The following TLE1 variants were observed in gnomAD, a reference collection of about 807,000 sequenced individuals.
TLE1 encodes the protein transducin-like enhancer protein 1.
A neutral mutation model predicts 89.8 loss-of-function variants in TLE1; 21 were observed. The ratio of observed to expected loss-of-function variants is 0.23; its 90% CI spans 0.17 to 0.34. TLE1 has a LOEUF of 0.34. Among genes scored for constraint, TLE1 ranks in the 10% least tolerant of loss-of-function variants. TLE1 has a pLI of 1.00. For synonymous variants in TLE1, 447 were observed against 407.6 expected (o/e 1.10, Z -1.16); for missense variants, 795 against 1,031.2 (o/e 0.77, Z 3.14).
intron 6 of TLE1, among the ~76,000 whole-genome samples, chr9:81,638,185 G>C (rs756307756): frequency 6.6e-6 from 1 of 152,148 alleles, no homozygotes; most frequent in African/African-American, 2.4e-5. Flanking sequence ...TAGACTGCAT[G>C]AGTACCATCT....
At chr9:81,620,915 A>G in intron 8 of TLE1, 1 of 543,020 alleles carries the variant, frequency 1.8e-6, no homozygotes, top group Non-Finnish European at 3.5e-6. Context: ...ATGGCCTATG[A>G]GCAAATCTTG....
chr9:81,650,483 A>C (rs1383038772), intron 6 of TLE1, among the ~76,000 whole-genome samples: 2 of 152,220 alleles, frequency 1.3e-5, no homozygotes, highest in African/African-American at 2.4e-5. Context: ...CATTTGGGTG[A>C]AAAAATTCTG....
At chr9:81,655,616 T>C (rs1201572133) in intron 4 of TLE1, among the ~76,000 whole-genome samples, 2 of 152,086 alleles carry the variant, frequency 1.3e-5, no homozygotes, top group Non-Finnish European at 2.9e-5. Flanking sequence ...AAGAGGCCCA[T>C]CCTTGACCTT....
chr9:81,686,007 A>G, intron 2 of TLE1, 111 bp from the exon 3 acceptor site: 1 of 1,149,586 alleles, frequency 8.7e-7, no homozygotes. Context: ...GAAAAGCCAT[A>G]AACTATCTAG....
intron 9 of TLE1, among the ~76,000 whole-genome samples, chr9:81,617,978 T>G (rs920499283): frequency 6.6e-6 from 1 of 152,106 alleles, no homozygotes; most frequent in Non-Finnish European, 1.5e-5. Context: ...TGAGCCGAGA[T>G]TGTGCCATTG....
chr9:81,644,863 G>C (rs147759580), intron 6 of TLE1, among the ~76,000 whole-genome samples: 1 of 151,502 alleles, frequency 6.6e-6, no homozygotes, highest in Non-Finnish European at 1.5e-5. Flanking sequence ...GCATGGTGGT[G>C]TGTGCCTGTA....
chr9:81,652,451 A>G (rs1009216532), intron 5 of TLE1, among the ~76,000 whole-genome samples, 163 bp from the exon 6 acceptor site: 13 of 152,220 alleles, frequency 8.5e-5, no homozygotes, highest in Non-Finnish European at 1.9e-4. Context: ...ATAGATAGGG[A>G]AAGAAAAACT....
At chr9:81,598,323 G>A (rs1038939858) in intron 14 of TLE1, among the ~76,000 whole-genome samples, 1 of 151,966 alleles carries the variant, frequency 6.6e-6, no homozygotes. Context: ...CCTCCCGCTA[G>A]AACAGCACCG....
At position 81,613,364 on chromosome 9, in the gene TLE1, G is replaced by A. The variant is rs369143469; in HGVS notation, c.1063+13C>T. ...AGAAACCAAACAAAGCACAACAAGA[G>A]GCGATGCTGTACCCGCTTGGTTAAC... On this transcript the variant is annotated intron_variant, in intron 12 of 19. Transcript: ENST00000376499. 1 of 1,612,222 alleles carries A rather than the reference G, an allele frequency of 6.2e-7. No individual in the cohort carries two copies. The highest frequency in any genetic ancestry group is 8.5e-7 in the Non-Finnish European group (1 of 1,179,272).
intron 4 of TLE1, among the ~76,000 whole-genome samples, chr9:81,673,120 A>G (rs990612687): frequency 2.0e-5 from 3 of 151,894 alleles, no homozygotes; most frequent in Admixed American, 6.6e-5. Context: ...TAAAAATACA[A>G]AAATCAGCTG....
chr9:81,606,312 A>C (rs1397203266), intron 14 of TLE1, among the ~76,000 whole-genome samples: 1 of 152,262 alleles, frequency 6.6e-6, no homozygotes, highest in Admixed American at 6.5e-5. Context: ...CTATAAAGAC[A>C]CATGCACACA....
chr9:81,602,150 G>C (rs1677579937), intron 14 of TLE1, among the ~76,000 whole-genome samples: 1 of 152,160 alleles, frequency 6.6e-6, no homozygotes, highest in South Asian at 2.1e-4. Context: ...AAAGAGACCA[G>C]TGAGAAGGGA....
intron 14 of TLE1, among the ~76,000 whole-genome samples, chr9:81,598,051 C>T (rs374714602): frequency 3.9e-5 from 6 of 152,138 alleles, no homozygotes; most frequent in Admixed American, 2.0e-4. Context: ...CCAGAGAGGA[C>T]GGCTGTGGTC....
At chr9:81,652,138 C>CACACACAA in intron 6 of TLE1, 76 bp downstream of exon 6, 1 of 1,417,546 alleles carries the variant, frequency 7.1e-7, no homozygotes, top group Non-Finnish European at 9.9e-7. Context: ...CACACACACA[C>CACACACAA]GTAAAGCCAT....
intron 4 of TLE1, among the ~76,000 whole-genome samples, chr9:81,680,407 G>A (rs1468931438): frequency 6.6e-6 from 1 of 152,204 alleles, no homozygotes; most frequent in Non-Finnish European, 1.5e-5. Context: ...AACTCCCCCT[G>A]TTGGATCCTG....
chr9:81,670,181 T>A (rs960432354), intron 4 of TLE1, among the ~76,000 whole-genome samples: 1 of 152,196 alleles, frequency 6.6e-6, no homozygotes, highest in Non-Finnish European at 1.5e-5. Context: ...AGTAATAGAC[T>A]TGGAAAAGTA....
chr9:81,588,019 G>A (rs1485779673), intron 16 of TLE1, among the ~76,000 whole-genome samples, 191 bp from the exon 17 acceptor site: 5 of 151,280 alleles, frequency 3.3e-5, no homozygotes, highest in Non-Finnish European at 5.9e-5. Flanking sequence ...CAGCACCTGC[G>A]ATTGTCTTTC....
chr9:81,684,521 G>A (rs2627016), intron 4 of TLE1, among the ~76,000 whole-genome samples: 37,961 of 152,074 alleles, frequency 0.25, 5,122 homozygotes, highest in Non-Finnish European at 0.31. Flanking sequence ...TACAAAAGCA[G>A]AATTCAACTC....
In TLE1 at chr9:81,635,502, C is replaced by T. The variant is rs550824453; in HGVS notation, c.373-1201G>A. 4.6e-5 allele frequency among the ~76,000 whole-genome samples: 7 copies of T among 152,256 alleles called. No individual in the cohort carries two copies. In the East Asian group the frequency reaches 1.4e-3, roughly 29 times the overall value. On this transcript the variant is annotated intron_variant, in intron 6 of 19. Transcript: ENST00000376499. ...AAATGAAAAAGTATCCAAGAAATGG[C>T]CCCTGTACCATGAATCTGGCCACAT...
Sources: gnomAD v4.1 joint callset for allele counts (sites outside exome capture counted in the v4.1 genomes callset) on GRCh38, gnomAD v4.1.1 for gene constraint, MANE v1.5 for transcripts, NCBI Gene and HGNC (gene_info 2026-07-23, HGNC 2026-07-21) for gene names.